Variants in DAB1 observed in about 807,000 individuals in gnomAD.
DAB1 encodes the protein disabled homolog 1.
Under a neutral mutation model 64.6 loss-of-function variants are expected in DAB1, and 15 were observed. The observed-to-expected ratio is 0.23, with a 90% CI of 0.16 to 0.36. The LOEUF (loss-of-function observed/expected upper bound fraction) is 0.36, where lower values mean the gene tolerates loss of function less well. Ranked by LOEUF, DAB1 falls within the 10% of genes least tolerant of loss-of-function variation. The probability of loss-of-function intolerance (pLI) is 1.00; values close to 1 mark genes in which losing one functional copy is unlikely to be tolerated. For synonymous variants in DAB1, 235 were observed against 251.9 expected, an observed-to-expected ratio of 0.93 and a Z score of 0.64; for missense variants, 596 against 706.7, an observed-to-expected ratio of 0.84 and a Z score of 1.78.
intron 4 of DAB1, chr1:58,228,664 C>G: frequency 9.5e-7 from 1 of 1,050,546 alleles, no homozygotes; most frequent in Non-Finnish European, 1.4e-6. Flanking sequence ...ATGAGGCCAG[C>G]CTGGCTTGGG....
intron 2 of DAB1, among the ~76,000 whole-genome samples, chr1:57,225,694 A>G (rs184736651): frequency 2.6e-5 from 4 of 152,330 alleles, no homozygotes; most frequent in African/African-American, 7.2e-5. Flanking sequence ...ATAGAGATAC[A>G]TTCCTAAAAA....
intron 6 of DAB1, among the ~76,000 whole-genome samples, chr1:57,708,410 C>A (rs1362295709): frequency 6.6e-6 from 1 of 152,222 alleles, no homozygotes; most frequent in African/African-American, 2.4e-5. Context: ...AGCTGTACTG[C>A]CTGAATTGGA....
At chr1:57,587,095 G>A (rs140219477) in intron 7 of DAB1, among the ~76,000 whole-genome samples, 16 of 152,276 alleles carry the variant, frequency 1.1e-4, no homozygotes, top group African/African-American at 3.9e-4. Context: ...GGCAGCTCAG[G>A]CTATTTGGAA....
At chr1:58,308,019 T>G (rs1335754536) in intron 4 of DAB1, among the ~76,000 whole-genome samples, 1 of 152,070 alleles carries the variant, frequency 6.6e-6, no homozygotes, top group East Asian at 1.9e-4. Context: ...TTTACCCCCA[T>G]GTAGAAGGAG....
intron 2 of DAB1, among the ~76,000 whole-genome samples, chr1:58,516,520 A>T (rs61781790): frequency 0.081 from 12,303 of 152,234 alleles, 521 homozygotes; most frequent in Middle Eastern, 0.16. Context: ...AATCATTCTG[A>T]TAATTTATAT....
chr1:58,296,715 G>T (rs150737010), intron 4 of DAB1, among the ~76,000 whole-genome samples: 54 of 152,252 alleles, frequency 3.5e-4, no homozygotes, highest in African/African-American at 1.1e-3. Context: ...CATAACAGTT[G>T]TTATGTTGGA....
At chr1:57,155,388 T>C (rs551916913) in intron 2 of DAB1, among the ~76,000 whole-genome samples, 1 of 152,322 alleles carries the variant, frequency 6.6e-6, no homozygotes, top group African/African-American at 2.4e-5. Context: ...GGTCTATGTG[T>C]CTATTTTTAG....
intron 10 of DAB1, among the ~76,000 whole-genome samples, chr1:57,024,762 T>G (rs1456147270): frequency 6.6e-6 from 1 of 152,222 alleles, no homozygotes; most frequent in Non-Finnish European, 1.5e-5. Flanking sequence ...TTAGAAGATC[T>G]CTTCAACCCT....
chr1:57,310,439 G>A (rs1674595173), intron 1 of DAB1, among the ~76,000 whole-genome samples: 1 of 152,166 alleles, frequency 6.6e-6, no homozygotes, highest in Non-Finnish European at 1.5e-5. Flanking sequence ...GGAAAAAGAA[G>A]TAAAGGATGA....
intron 5 of DAB1, among the ~76,000 whole-genome samples, chr1:57,918,937 G>A (rs542789929): frequency 2.6e-5 from 4 of 152,250 alleles, no homozygotes; most frequent in South Asian, 4.1e-4. Flanking sequence ...ACATTTCAAC[G>A]TGAGTTTTTG....
At chr1:57,844,234 G>A (rs566290521) in intron 1 of DAB1, among the ~76,000 whole-genome samples, 5 of 152,278 alleles carry the variant, frequency 3.3e-5, no homozygotes, top group South Asian at 2.1e-4. Flanking sequence ...CTGAAATAAC[G>A]GATTCATGTA....
At chr1:57,983,546 A>C (rs1175717322) in intron 5 of DAB1, among the ~76,000 whole-genome samples, 2 of 152,178 alleles carry the variant, frequency 1.3e-5, no homozygotes, top group African/African-American at 4.8e-5. Flanking sequence ...GCCAGGAAGC[A>C]AAAGCAAACT....
At chr1:57,405,805 C>T (rs949409949) in intron 1 of DAB1, among the ~76,000 whole-genome samples, 2 of 152,210 alleles carry the variant, frequency 1.3e-5, no homozygotes, top group African/African-American at 4.8e-5. Context: ...GTACCTGATA[C>T]ACACACATCC....
chr1:58,177,254 T>TCA (rs1275592099), intron 4 of DAB1, among the ~76,000 whole-genome samples: 1 of 152,194 alleles, frequency 6.6e-6, no homozygotes, highest in Non-Finnish European at 1.5e-5. Flanking sequence ...TGTGGGCTAT[T>TCA]CTTCTCACTT....
At chr1:57,975,416 T>G (rs1268682890) in intron 5 of DAB1, among the ~76,000 whole-genome samples, 2 of 152,174 alleles carry the variant, frequency 1.3e-5, no homozygotes, top group Non-Finnish European at 2.9e-5. Context: ...AGCAAAAGAC[T>G]GTTAGACTGA....
intron 1 of DAB1, among the ~76,000 whole-genome samples, chr1:57,423,472 G>A (rs1002069627): frequency 2.6e-5 from 4 of 152,008 alleles, no homozygotes; most frequent in African/African-American, 9.7e-5. Flanking sequence ...GGGTTCGGCC[G>A]AATGAGGAAA....
chr1:58,107,758 A>T (rs1261096445), intron 5 of DAB1, among the ~76,000 whole-genome samples: 3 of 151,938 alleles, frequency 2.0e-5, no homozygotes, highest in East Asian at 3.9e-4. Context: ...CTGGGATTAC[A>T]GGTGCCTGCC....
intron 1 of DAB1, among the ~76,000 whole-genome samples, chr1:57,331,107 G>C (rs1326027514): frequency 1.3e-5 from 2 of 152,142 alleles, no homozygotes; most frequent in Non-Finnish European, 2.9e-5. Context: ...GAATAAGTCT[G>C]AACAAGTAAG....
At chr1:57,893,176 C>G (rs887913754) in intron 5 of DAB1, among the ~76,000 whole-genome samples, 2 of 151,948 alleles carry the variant, frequency 1.3e-5, no homozygotes, top group Non-Finnish European at 2.9e-5. Context: ...CTAAGGTGCT[C>G]AAGAGAATAT....
Sources: allele counts gnomAD v4.1 joint callset (sites outside exome capture counted in the v4.1 genomes callset), GRCh38; gene constraint gnomAD v4.1.1; transcripts MANE v1.5; gene names NCBI Gene and HGNC (gene_info 2026-07-23, HGNC 2026-07-21).